Variants in PPP1R3A observed in about 807,000 individuals in gnomAD.
The protein encoded by PPP1R3A is RG1.
In PPP1R3A, 29 loss-of-function variants were observed where a neutral mutation model predicts 41.7. The ratio of observed to expected loss-of-function variants is 0.70; its 90% CI spans 0.52 to 0.95. The LOEUF (loss-of-function observed/expected upper bound fraction) is 0.95, where lower values mean the gene tolerates loss of function less well. Ranked by LOEUF, PPP1R3A falls within the 40% of genes least tolerant of loss-of-function variation. The pLI, the probability that PPP1R3A is intolerant of heterozygous loss-of-function variation, is 0.00. For missense variants in PPP1R3A, 1,352 were observed against 1,292.4 expected (o/e 1.05, Z -0.71); for synonymous variants, 485 against 453.4 (o/e 1.07, Z -0.89).
Position 113,882,124 on chromosome 7 carries a change from T to C in PPP1R3A, c.881A>G (p.Lys294Arg). 1.2e-6 allele frequency: 2 copies of C among 1,611,944 alleles called. No homozygotes were observed. Among genetic ancestry groups the C allele is most frequent in the Non-Finnish European group, 8.5e-7 (1 of 1,178,450 alleles). The change falls in exon 3 of 4, where the codon AAG becomes AGG. Residue 294 changes from lysine to arginine, a missense_variant. Lys to Arg is a conservative substitution (Grantham distance 26, BLOSUM62 2). Transcript: ENST00000284601. ...IPTIICSHED[K>R]EDLEASNRNV... is the part of the protein sequence containing the mutation. ...TCGATTACTGGCTTCCAAATCTTCC[T>C]TGTCCTCATGAGAACAAATGATTGT...
At chr7:113,899,825 C>T (rs542723743) in intron 1 of PPP1R3A, among the ~76,000 whole-genome samples, 17 of 151,876 alleles carry the variant, frequency 1.1e-4, no homozygotes, top group African/African-American at 3.6e-4. Flanking sequence ...GTTTACACTG[C>T]TATTCTACAT....
In PPP1R3A at chr7:113,878,397, G is replaced by A; in HGVS notation, c.2695C>T (p.His899Tyr). The change falls in exon 4 of 4, where the codon CAT becomes TAT. Residue 899 changes from histidine to tyrosine, a missense_variant. Coordinates refer to ENST00000284601, the MANE Select transcript of PPP1R3A (RefSeq NM_002711.4). The part of the protein sequence containing the change: ...SKKTDSDAIV[H>Y]SAFNSDTNRA... The stretch of plus-strand genomic sequence containing the variant: ...TTAGTGTCTGAGTTAAAAGCAGAAT[G>A]CACAATGGCATCCGAGTCTGTTTTC... The A allele has an allele frequency of 1.2e-6, 2 of 1,611,682 alleles. No individual in the cohort carries two copies. The highest frequency in any genetic ancestry group is 1.7e-6 in the Non-Finnish European group (2 of 1,179,632).
chr7:113,915,596 TACATATACATATATATAC>T (rs1163312435), intron 1 of PPP1R3A, among the ~76,000 whole-genome samples: 1 of 148,852 alleles, frequency 6.7e-6, no homozygotes, highest in Admixed American at 6.8e-5. Context: ...CATACATATA[TACATATACATATATATAC>T]ACATACATAT....
chr7:113,900,366 T>C (rs1013273687), intron 1 of PPP1R3A, among the ~76,000 whole-genome samples: 1 of 151,708 alleles, frequency 6.6e-6, no homozygotes, highest in Non-Finnish European at 1.5e-5. Flanking sequence ...AGTTCATGGA[T>C]AATGCTGATA....
chr7:113,914,482 C>T (rs1253086425), intron 1 of PPP1R3A, among the ~76,000 whole-genome samples: 1 of 152,036 alleles, frequency 6.6e-6, no homozygotes, highest in Non-Finnish European at 1.5e-5. Flanking sequence ...ACACATTTCT[C>T]AAGAAAATTT....
At chr7:113,881,279 G>T (rs541408099) in intron 3 of PPP1R3A, among the ~76,000 whole-genome samples, 3 of 152,036 alleles carry the variant, frequency 2.0e-5, no homozygotes, top group Non-Finnish European at 4.4e-5. Context: ...CACTTGAAGA[G>T]ACAAATGTCA....
chr7:113,918,930 C>G lies in PPP1R3A; in HGVS notation c.67G>C (p.Asp23His). 6 of 1,612,708 alleles carry G rather than the reference C, an allele frequency of 3.7e-6. No homozygotes were observed. Among genetic ancestry groups the G allele is most frequent in the Non-Finnish European group, 5.1e-6 (6 of 1,179,142 alleles). The stretch of plus-strand genomic sequence containing the variant: ...ACTTCTTCATCTTCACAAAGAGAGT[C>G]AGATAAATTAGGAACTTCTAAAAAA... ...DNFLEVPNLS[D>H]SLCEDEEVTF... The change falls in exon 1 of 4, where the codon GAC becomes CAC. Residue 23 changes from aspartate (D) to histidine (H), a missense_variant. Asp to His is a moderately conservative substitution (Grantham distance 81, BLOSUM62 -1). Transcript: ENST00000284601.
chr7:113,879,440 C>T lies in PPP1R3A; in HGVS notation c.1652G>A (p.Ser551Asn). The T allele has an allele frequency of 6.2e-7, 1 of 1,613,498 alleles. No individual in the cohort carries two copies. Residue 551 changes from serine (S) to asparagine (N), a missense_variant, in exon 4 of 4, where the codon AGT becomes AAT. Coordinates refer to ENST00000284601, the MANE Select transcript of PPP1R3A (RefSeq NM_002711.4). ...GTTACTAGCTCCAATCCCTGCCACA[C>T]TTATTTTAGGGTTACCCATCTTCCT... ...QERKMGNPKI[S>N]VAGIGASNRD...
intron 1 of PPP1R3A, among the ~76,000 whole-genome samples, chr7:113,916,724 A>G (rs1292999018): frequency 2.0e-5 from 3 of 152,114 alleles, no homozygotes; most frequent in African/African-American, 7.2e-5. Context: ...AGTATTTAAT[A>G]TGTATATATT....
At chr7:113,889,189 C>T (rs1045561304) in intron 1 of PPP1R3A, among the ~76,000 whole-genome samples, 5 of 152,146 alleles carry the variant, frequency 3.3e-5, no homozygotes, top group Admixed American at 2.6e-4. Context: ...GATTTAGCTG[C>T]TCCTCCTTAG....
intron 1 of PPP1R3A, among the ~76,000 whole-genome samples, chr7:113,887,718 C>T (rs776119324): frequency 2.6e-5 from 4 of 152,056 alleles, no homozygotes; most frequent in East Asian, 1.9e-4. Flanking sequence ...AACAACAGGT[C>T]GCCAAAGACA....
At chr7:113,918,149 T>A in intron 1 of PPP1R3A, 66 bp downstream of exon 1, 1 of 1,424,772 alleles carries the variant, frequency 7.0e-7, no homozygotes, top group Non-Finnish European at 9.5e-7. Context: ...TTACAACACA[T>A]GAAATAAAGA....
At chr7:113,896,304 T>C (rs1286518380) in intron 1 of PPP1R3A, among the ~76,000 whole-genome samples, 2 of 151,890 alleles carry the variant, frequency 1.3e-5, no homozygotes, top group Non-Finnish European at 2.9e-5. Flanking sequence ...TATACTGTTA[T>C]GGAATCTACC....
chr7:113,910,150 C>G (rs1225486718), intron 1 of PPP1R3A, among the ~76,000 whole-genome samples: 1 of 151,952 alleles, frequency 6.6e-6, no homozygotes, highest in Non-Finnish European at 1.5e-5. Flanking sequence ...TATGGGGGAA[C>G]CCACCCCCAT....
intron 1 of PPP1R3A, among the ~76,000 whole-genome samples, chr7:113,884,615 T>C (rs986416141): frequency 2.6e-5 from 4 of 151,980 alleles, no homozygotes; most frequent in African/African-American, 9.7e-5. Context: ...GTAGAAAATA[T>C]ATGTGAATAT....
chr7:113,878,503 A>G lies in PPP1R3A; in HGVS notation c.2589T>C (p.Asp863=). ...TEYQKATSKL[D]LQLGMLPTDK... is the part of the protein sequence containing the mutation. The stretch of plus-strand genomic sequence containing the variant: ...CTGTTGGTAACATTCCCAACTGTAA[A>G]TCCAGTTTTGAAGTTGCTTTTTGAT... Residue 863 remains aspartate (D), a synonymous_variant, in exon 4 of 4, where the codon GAT becomes GAC. Coordinates refer to ENST00000284601, the MANE Select transcript of PPP1R3A (RefSeq NM_002711.4). 1 of 1,613,350 alleles carries G rather than the reference A, an allele frequency of 6.2e-7. No individual in the cohort carries two copies. The highest frequency in any genetic ancestry group is 1.3e-5 in the African/African-American group (1 of 74,980).
At position 113,877,775 on chromosome 7, in the gene PPP1R3A, G is replaced by A. The variant is rs575818412; in HGVS notation, c.3317C>T (p.Ser1106Phe). ...TCTACCCTCTTCCCAGGATAGCCAG[G>A]ACAATGACAAAACGTAGAATGTCAA... is the stretch of plus-strand genomic sequence containing the variant. ...IGLTFYVLSL[S>F]WLSWEEGRQK... The change falls in exon 4 of 4, where the codon TCC (serine) becomes TTC (phenylalanine). Residue 1106 changes from serine to phenylalanine, a missense_variant. Ser to Phe is a radical substitution (Grantham distance 155). Transcript: ENST00000284601. 8.7e-6 allele frequency: 14 copies of A among 1,600,400 alleles called. No homozygotes were observed. The African/African-American group carries it at 1.7e-4, about 20-fold the overall frequency.
chr7:113,902,682 A>G (rs148157816), intron 1 of PPP1R3A, among the ~76,000 whole-genome samples: 59 of 151,960 alleles, frequency 3.9e-4, no homozygotes, highest in African/African-American at 1.3e-3. Context: ...TCTCTGATCA[A>G]TTGTTACCTT....
chr7:113,878,680 T>A lies in PPP1R3A; in HGVS notation c.2412A>T (p.Glu804Asp). The A allele has an allele frequency of 6.2e-7, 1 of 1,613,458 alleles. No homozygotes were observed. The highest frequency in any genetic ancestry group is 2.2e-5 in the East Asian group (1 of 44,838). The change falls in exon 4 of 4, where the codon GAA (glutamate) becomes GAT (aspartate). Residue 804 changes from glutamate (E) to aspartate (D), a missense_variant. Physicochemically the swap from Glu to Asp is conservative, Grantham distance 45. Transcript: ENST00000284601. ...GVIYDNDFEK[E>D]SRLGICNVRV... ...GTACATTACAAATACCTAAACGTGA[T>A]TCCTTTTCAAAATCATTGTCATAGA...
Sources: allele counts gnomAD v4.1 joint callset (sites outside exome capture counted in the v4.1 genomes callset), GRCh38; gene constraint gnomAD v4.1.1; transcripts MANE v1.5; gene names NCBI Gene and HGNC (gene_info 2026-07-23, HGNC 2026-07-21).